Variants in GRK3 observed in about 807,000 individuals in gnomAD.
GRK3 encodes G protein-coupled receptor kinase 3.
GRK3 carries 54 observed loss-of-function variants against 95.7 expected under a neutral mutation model. The observed-to-expected ratio is 0.56, with a 90% CI of 0.45 to 0.71. GRK3 has a LOEUF of 0.71. Ranked by LOEUF, GRK3 falls within the 30% of genes least tolerant of loss-of-function variation. The pLI, the probability that GRK3 is intolerant of heterozygous loss-of-function variation, is 0.00. For synonymous variants in GRK3, 281 were observed against 290.8 expected, an observed-to-expected ratio of 0.97 and a Z score of 0.34; for missense variants, 649 against 851.2, an observed-to-expected ratio of 0.76 and a Z score of 2.96.
At chr22:25,667,581 A>C (rs1231777002) in intron 5 of GRK3, among the ~76,000 whole-genome samples, 158 bp from the exon 6 acceptor site, 2 of 151,958 alleles carry the variant, frequency 1.3e-5, no homozygotes, top group African/African-American at 4.8e-5. Flanking sequence ...TGAATGCATT[A>C]GTGAATATTA....
At chr22:25,603,586 T>A (rs1161917981) in intron 1 of GRK3, among the ~76,000 whole-genome samples, 1 of 152,242 alleles carries the variant, frequency 6.6e-6, no homozygotes, top group Non-Finnish European at 1.5e-5. Flanking sequence ...CTATTATTGA[T>A]CCTGTATTTT....
chr22:25,621,156 A>G (rs552934611), intron 2 of GRK3, among the ~76,000 whole-genome samples: 5 of 152,364 alleles, frequency 3.3e-5, no homozygotes, highest in African/African-American at 1.2e-4. Flanking sequence ...GTTAGTAACT[A>G]TTATCCCTGC....
Position 25,711,206 on chromosome 22 carries a change from G to A in GRK3, c.1491+43G>A, listed in dbSNP as rs771586703. The A allele has an allele frequency of 2.0e-5, 27 of 1,376,248 alleles. No individual in the cohort carries two copies. In the East Asian group the frequency reaches 6.0e-4, roughly 31 times the overall value. The allele number at this position is 1,376,248 out of a possible 1,614,324, so 85.3% of individuals were successfully genotyped here. On this transcript the variant is annotated intron_variant, in intron 17 of 20. Coordinates refer to ENST00000324198, the MANE Select transcript of GRK3 (RefSeq NM_005160.4). ...TATTTCTTTATTTTTATTTTTGGAT[G>A]GGATGATTTCTGTTGGAAATCAAAC...
At chr22:25,699,299 C>G (rs1352588426) in intron 13 of GRK3, among the ~76,000 whole-genome samples, 1 of 152,124 alleles carries the variant, frequency 6.6e-6, no homozygotes, top group Non-Finnish European at 1.5e-5. Context: ...CCTAAGAAAT[C>G]AACTGAGTGG....
chr22:25,722,271 C>T lies in GRK3; in HGVS notation c.1906-18C>T, dbSNP rs1460892580. Reference sequence around the variant, plus strand: ...TGGGTGAGCCTGTCACAACGGCTGCCTTTGTATTCCCCCTCAGAGTGATCC... The same window carrying T: ...TGGGTGAGCCTGTCACAACGGCTGCTTTTGTATTCCCCCTCAGAGTGATCC... On this transcript the variant is annotated intron_variant, in intron 20 of 20. Transcript: ENST00000324198. 6.2e-7 allele frequency: 1 copy of T among 1,610,864 alleles called. No homozygotes were observed. The highest frequency in any genetic ancestry group is 8.5e-7 in the Non-Finnish European group (1 of 1,177,276).
intron 2 of GRK3, among the ~76,000 whole-genome samples, chr22:25,637,586 T>C (rs1009468269): frequency 1.3e-5 from 2 of 152,246 alleles, no homozygotes; most frequent in African/African-American, 4.8e-5. Flanking sequence ...AAGTTTTCAT[T>C]GGATAAGTAT....
chr22:25,611,810 T>C (rs1414155100), intron 2 of GRK3, among the ~76,000 whole-genome samples: 1 of 151,860 alleles, frequency 6.6e-6, no homozygotes, highest in Non-Finnish European at 1.5e-5. Context: ...TTTTTTTCTT[T>C]TATGACTCAT....
intron 8 of GRK3, 77 bp from the exon 9 acceptor site, chr22:25,678,739 C>T: frequency 1.3e-6 from 1 of 788,806 alleles, no homozygotes; most frequent in Non-Finnish European, 2.0e-6. Flanking sequence ...AGAAACTTGC[C>T]CCAGAGTGAC....
At chr22:25,708,998 C>T (rs964272906) in intron 15 of GRK3, among the ~76,000 whole-genome samples, 1 of 151,842 alleles carries the variant, frequency 6.6e-6, no homozygotes, top group Non-Finnish European at 1.5e-5. Context: ...TTAATCATGA[C>T]CTTCAAGAAA....
At chr22:25,596,317 G>C (rs2084372221) in intron 1 of GRK3, among the ~76,000 whole-genome samples, 1 of 152,150 alleles carries the variant, frequency 6.6e-6, no homozygotes, top group African/African-American at 2.4e-5. Flanking sequence ...AAAGATTGCT[G>C]TTCTTCAAAA....
intron 1 of GRK3, among the ~76,000 whole-genome samples, chr22:25,576,684 G>A (rs1453446035): frequency 6.6e-6 from 1 of 152,172 alleles, no homozygotes; most frequent in Admixed American, 6.5e-5. Flanking sequence ...CAGGTTTTCT[G>A]ATTCCAAATT....
At chr22:25,655,762 T>C (rs1487150374) in intron 3 of GRK3, among the ~76,000 whole-genome samples, 1 of 152,180 alleles carries the variant, frequency 6.6e-6, no homozygotes, top group Non-Finnish European at 1.5e-5. Flanking sequence ...ACACTGTCCC[T>C]GTACTTGAGG....
intron 1 of GRK3, among the ~76,000 whole-genome samples, chr22:25,569,620 G>A (rs1931612972): frequency 6.6e-6 from 1 of 152,206 alleles, no homozygotes; most frequent in Non-Finnish European, 1.5e-5. Context: ...CTTGAGGAAG[G>A]GAAGCACAGG....
chr22:25,690,311 C>T, intron 12 of GRK3, 28 bp downstream of exon 12: 2 of 1,520,504 alleles, frequency 1.3e-6, no homozygotes, highest in Non-Finnish European at 1.8e-6. Flanking sequence ...TTCAGTTCAC[C>T]ACCATTTCTC....
At chr22:25,651,445 A>G (rs1340640794) in intron 3 of GRK3, among the ~76,000 whole-genome samples, 2 of 152,224 alleles carry the variant, frequency 1.3e-5, no homozygotes, top group Admixed American at 6.5e-5. Flanking sequence ...CAAGTTGGCA[A>G]TGGTTCTCGT....
intron 1 of GRK3, among the ~76,000 whole-genome samples, chr22:25,596,372 A>G (rs1185338526): frequency 6.6e-6 from 1 of 152,248 alleles, no homozygotes; most frequent in Non-Finnish European, 1.5e-5. Context: ...CAATTGAACT[A>G]TTCTGCTTCA....
chr22:25,665,294 G>A (rs1186195822), intron 5 of GRK3, among the ~76,000 whole-genome samples: 1 of 152,166 alleles, frequency 6.6e-6, no homozygotes, highest in Non-Finnish European at 1.5e-5. Context: ...TGATATTTGA[G>A]TGTCAGAATT....
In GRK3 at chr22:25,633,057, C is replaced by T. The variant is rs1331293906; in HGVS notation, c.191-11535C>T. Among the ~76,000 whole-genome samples, 5 of 151,880 alleles carry T rather than the reference C, an allele frequency of 3.3e-5. No individual in the cohort carries two copies. The East Asian group carries it at 9.6e-4, about 29-fold the overall frequency. On this transcript the variant is annotated intron_variant, in intron 2 of 20. Coordinates refer to ENST00000324198, the MANE Select transcript of GRK3 (RefSeq NM_005160.4). ...TCCCAAGTAGCTGGGATTACAGGCA[C>T]CTGCCACCAAGCCTGGCTAATTTTT...
chr22:25,664,516 ATT>A (rs1196086432), intron 5 of GRK3, among the ~76,000 whole-genome samples: 101 of 121,494 alleles, frequency 8.3e-4, no homozygotes, highest in African/African-American at 2.4e-3. Flanking sequence ...TGACTTTGGC[ATT>A]TTTTTTTTTT....
Sources: allele counts gnomAD v4.1 joint callset (sites outside exome capture counted in the v4.1 genomes callset), GRCh38; gene constraint gnomAD v4.1.1; transcripts MANE v1.5; gene names NCBI Gene and HGNC (gene_info 2026-07-23, HGNC 2026-07-21).